The following SGMS1 variants were observed in gnomAD, a reference collection of about 807,000 sequenced individuals.
SGMS1 encodes sphingomyelin synthase 1, also known as phosphatidylcholine:ceramide cholinephosphotransferase 1.
A neutral mutation model predicts 46.2 loss-of-function variants in SGMS1; 13 were observed. The observed-to-expected ratio is 0.28, with a 90% confidence interval of 0.18 to 0.45. The LOEUF (loss-of-function observed/expected upper bound fraction) is 0.45. Among genes scored for constraint, SGMS1 ranks in the 20% least tolerant of loss-of-function variants. The pLI is 1.00. For synonymous variants in SGMS1, 203 were observed against 187.8 expected, an observed-to-expected ratio of 1.08 and a Z score of -0.66; for missense variants, 324 against 519.9, an observed-to-expected ratio of 0.62 and a Z score of 3.66.
chr10:50,311,388 G>T lies in SGMS1; in HGVS notation c.769C>A (p.Arg257=). The part of the protein sequence containing the change: ...KLFGDWEAQL[R]RIMKLIAGGG... ...CCAGCAATGAGCTTCATTATTCTTC[G>T]CAGTTGGGCTTCCCAGTCTCCGAAA... The change falls in exon 9 of 11, where the codon CGA becomes AGA. Residue 257 remains arginine (R), a synonymous_variant. Coordinates refer to ENST00000361781, the MANE Select transcript of SGMS1 (RefSeq NM_147156.4). 6.2e-7 allele frequency: 1 copy of T among 1,613,836 alleles called. No homozygotes were observed. The highest frequency in any genetic ancestry group is 1.1e-5 in the South Asian group (1 of 91,076).
chr10:50,565,098 C>T (rs753924556), intron 2 of SGMS1, among the ~76,000 whole-genome samples: 3 of 152,104 alleles, frequency 2.0e-5, no homozygotes, highest in Non-Finnish European at 2.9e-5. Flanking sequence ...ATCCTCCAAA[C>T]GCTTTCCTTT....
chr10:50,354,397 G>C (rs1373353942), intron 6 of SGMS1, among the ~76,000 whole-genome samples: 1 of 152,144 alleles, frequency 6.6e-6, no homozygotes, highest in African/African-American at 2.4e-5. Flanking sequence ...TATGGAGAAA[G>C]CTGAAACTGG....
At chr10:50,608,131 C>A (rs893551781) in intron 1 of SGMS1, among the ~76,000 whole-genome samples, 2 of 152,208 alleles carry the variant, frequency 1.3e-5, no homozygotes, top group African/African-American at 4.8e-5. Flanking sequence ...CATTCTAGGA[C>A]AGCAAGATTT....
At chr10:50,495,629 A>G (rs1837608935) in intron 3 of SGMS1, among the ~76,000 whole-genome samples, 1 of 152,222 alleles carries the variant, frequency 6.6e-6, no homozygotes, top group Non-Finnish European at 1.5e-5. Flanking sequence ...TCTCAATATT[A>G]TTTATAAAAG....
intron 7 of SGMS1, chr10:50,327,996 A>C (rs1847556662): frequency 2.9e-6 from 1 of 350,840 alleles, no homozygotes; most frequent in Admixed American, 4.5e-5. Flanking sequence ...TATAGTAGGT[A>C]CAAATGGTAG....
At position 50,361,218 on chromosome 10, in the gene SGMS1, G is replaced by A. The variant is rs527778234; in HGVS notation, c.-231-16873C>T. ...TCCAACAGTGATCAGTCAAGAGCTG[G>A]CGATGGGGGTAGGAGTGGCAACTGC... On this transcript the variant is annotated intron_variant, in intron 6 of 10. Transcript: ENST00000361781. 1.8e-3 allele frequency among the ~76,000 whole-genome samples: 277 copies of A among 152,234 alleles called. 2 individuals are homozygous for A. The highest frequency in any genetic ancestry group is 3.4e-3 in the Middle Eastern group (1 of 294).
chr10:50,332,816 G>A (rs1847650144), intron 7 of SGMS1, among the ~76,000 whole-genome samples: 1 of 151,780 alleles, frequency 6.6e-6, no homozygotes, highest in Non-Finnish European at 1.5e-5. Flanking sequence ...TGTAAAGACA[G>A]GGTCTTGCCA....
intron 1 of SGMS1, among the ~76,000 whole-genome samples, chr10:50,622,145 G>A (rs1189208607): frequency 6.6e-6 from 1 of 152,206 alleles, no homozygotes; most frequent in East Asian, 1.9e-4. Flanking sequence ...AGAGCTGGAA[G>A]GCTGCCACCT....
chr10:50,522,805 C>A (rs1299359685), intron 2 of SGMS1, among the ~76,000 whole-genome samples: 1 of 152,100 alleles, frequency 6.6e-6, no homozygotes, highest in African/African-American at 2.4e-5. Context: ...TTGGCTAGGC[C>A]AGAAACCCAA....
rs760688384 is a variant in SGMS1, at chr10:50,587,633, A to ATATGTGTGTG, written c.-589+2519_-589+2520insCACACACATA. Among the ~76,000 whole-genome samples, 235 of 138,250 alleles carry ATATGTGTGTG rather than the reference A, an allele frequency of 1.7e-3. 3 individuals are homozygous for ATATGTGTGTG. Among genetic ancestry groups the ATATGTGTGTG allele is most frequent in the South Asian group, 0.011 (45 of 4,174 alleles). The allele number at this position is 138,250 out of a possible 152,430, so 90.7% of individuals were successfully genotyped here. A position where few individuals can be genotyped will look rare whatever the true frequency, so the allele number is the denominator to read the frequency against. On this transcript the variant is annotated intron_variant, in intron 2 of 10. Transcript: ENST00000361781. ...AGCAAGACTGCATCTCAAAATATATATGTGTGTGTGTGTGTGTGTGTGTGT... is the reference window on the plus strand; with the variant it reads ...AGCAAGACTGCATCTCAAAATATATATATGTGTGTGTGTGTGTGTGTGTGTGTGTGTGTGT...
Position 50,498,363 on chromosome 10 carries a change from A to T in SGMS1, c.-498+21468T>A, listed in dbSNP as rs530373268. ...TTTATCACCTTAATCATTTTTAAGT[A>T]TATAGTTTTATGGCTTTAAGTACAT... On this transcript the variant is annotated intron_variant, in intron 3 of 10. Coordinates refer to ENST00000361781, the MANE Select transcript of SGMS1 (RefSeq NM_147156.4). Among the ~76,000 whole-genome samples, 447 of 152,338 alleles carry T rather than the reference A, an allele frequency of 2.9e-3. 2 individuals are homozygous for T. The highest frequency in any genetic ancestry group is 0.01 in the African/African-American group (431 of 41,574).
chr10:50,465,126 T>C (rs1837314406), intron 4 of SGMS1, among the ~76,000 whole-genome samples: 1 of 152,140 alleles, frequency 6.6e-6, no homozygotes, highest in South Asian at 2.1e-4. Flanking sequence ...AATTCCATTT[T>C]GGAGAAACTG....
Position 50,344,354 on chromosome 10 carries a change from G to T in SGMS1, c.-231-9C>A. ...GAGCAGGATTCTTCCTTCTGTGAAA[G>T]CAAGAGAAAATATCAAGATGCTGTA... On this transcript the variant is annotated splice_polypyrimidine_tract_variant and intron_variant, in intron 6 of 10. Coordinates refer to ENST00000361781, the MANE Select transcript of SGMS1 (RefSeq NM_147156.4). 2.2e-6 allele frequency: 1 copy of T among 464,292 alleles called. No individual in the cohort carries two copies. The highest frequency in any genetic ancestry group is 3.8e-6 in the Non-Finnish European group (1 of 265,936). 28.8% of individuals were successfully genotyped at this position (464,292 alleles called of 1,614,324 possible). A position where few individuals can be genotyped will look rare whatever the true frequency, so the allele number is the denominator to read the frequency against.
intron 3 of SGMS1, among the ~76,000 whole-genome samples, chr10:50,494,438 A>G (rs987392692): frequency 6.6e-6 from 1 of 152,222 alleles, no homozygotes; most frequent in African/African-American, 2.4e-5. Flanking sequence ...GTTGTATACT[A>G]TGCAGCCATA....
intron 6 of SGMS1, among the ~76,000 whole-genome samples, chr10:50,401,506 T>C (rs1036643519): frequency 3.1e-4 from 47 of 152,316 alleles, no homozygotes; most frequent in African/African-American, 1.1e-3. Flanking sequence ...TCAAAGCCTC[T>C]GCTTTTCCAC....
At chr10:50,585,855 C>G in intron 2 of SGMS1, among the ~76,000 whole-genome samples, 1 of 152,318 alleles carries the variant, frequency 6.6e-6, no homozygotes, top group East Asian at 1.9e-4. Context: ...TGGATGAATA[C>G]ATGAATGAGA....
chr10:50,396,657 TTAAA>T (rs1848852729), intron 6 of SGMS1, among the ~76,000 whole-genome samples: 1 of 152,134 alleles, frequency 6.6e-6, no homozygotes, highest in African/African-American at 2.4e-5. Context: ...ACTCACAGGA[TTAAA>T]TGAGATAATG....
intron 6 of SGMS1, among the ~76,000 whole-genome samples, chr10:50,373,070 T>C (rs192824392): frequency 1.3e-5 from 2 of 152,328 alleles, no homozygotes; most frequent in African/African-American, 4.8e-5. Context: ...TTCAAAGCTA[T>C]CAAAATCCTC....
At position 50,469,930 on chromosome 10, in the gene SGMS1, C is replaced by T. The variant is rs542191837; in HGVS notation, c.-497-2998G>A. On this transcript the variant is annotated intron_variant, in intron 3 of 10. Transcript: ENST00000361781. ...TACAAGTTTACATTTATAGGGCCAA[C>T]CCTTTTAAAACTTATTACTTCCTCT... 2.0e-5 allele frequency among the ~76,000 whole-genome samples: 3 copies of T among 152,316 alleles called. No individual in the cohort carries two copies. The East Asian group carries it at 5.8e-4, about 29-fold the overall frequency.
Sources: gnomAD v4.1 joint callset for allele counts (sites outside exome capture counted in the v4.1 genomes callset) on GRCh38, gnomAD v4.1.1 for gene constraint, MANE v1.5 for transcripts, NCBI Gene and HGNC (gene_info 2026-07-23, HGNC 2026-07-21) for gene names.